YTHDC1: variants seen among roughly 807,000 people sequenced by gnomAD.
The protein encoded by YTHDC1 is YTH domain-containing protein 1.
In YTHDC1, 12 loss-of-function variants were observed where a neutral mutation model predicts 107.0. The ratio of observed to expected loss-of-function variants is 0.11; its 90% CI spans 0.07 to 0.18. The LOEUF (loss-of-function observed/expected upper bound fraction) is 0.18. Among genes scored for constraint, YTHDC1 ranks in the 10% least tolerant of loss-of-function variants. The probability of loss-of-function intolerance (pLI) is 1.00; values close to 1 mark genes in which losing one functional copy is unlikely to be tolerated. For synonymous variants in YTHDC1, 280 were observed against 289.5 expected (o/e 0.97, Z 0.33); for missense variants, 635 against 898.8 (o/e 0.71, Z 3.75).
chr4:68,333,024 A>AT (rs1560490897), intron 5 of YTHDC1, among the ~76,000 whole-genome samples, 177 bp from the exon 6 acceptor site: 2 of 152,074 alleles, frequency 1.3e-5, no homozygotes, highest in South Asian at 2.1e-4. Context: ...GGTTGTTTGG[A>AT]TTTTTTTAAA....
At position 68,322,953 on chromosome 4, in the gene YTHDC1, G is replaced by C. The variant is rs770005669; in HGVS notation, c.1435-38C>G. On this transcript the variant is annotated intron_variant, in intron 10 of 16. Transcript: ENST00000344157. This position sits in a 1 kb window ranked among gnomAD's most constrained non-coding sequence, Gnocchi z 4.8. ...AGTAGCAATTTATAAAACAAAAACA[G>C]ACCCTTTCAACAGACTTGCATTTTC... 1.9e-6 allele frequency: 3 copies of C among 1,598,864 alleles called. No individual in the cohort carries two copies. Among genetic ancestry groups the C allele is most frequent in the East Asian group, 2.2e-5 (1 of 44,664 alleles).
chr4:68,310,598 G>A lies in YTHDC1; in HGVS notation c.*3501C>T, dbSNP rs909511776. 2.0e-5 allele frequency: 3 copies of A among 152,140 alleles called. No homozygotes were observed. Among genetic ancestry groups the A allele is most frequent in the Non-Finnish European group, 2.9e-5 (2 of 68,028 alleles). The allele number at this position is 152,140 out of a possible 1,614,324, so 9.4% of individuals were successfully genotyped here. ...TAAGGATTCCTATTCCTACTATAAGGAACTTGGGGACTAAACTTGAGCCAG... is the reference window on the plus strand; with the variant it reads ...TAAGGATTCCTATTCCTACTATAAGAAACTTGGGGACTAAACTTGAGCCAG... On this transcript the variant is annotated 3_prime_UTR_variant, in exon 17 of 17. Coordinates refer to ENST00000344157, the MANE Select transcript of YTHDC1 (RefSeq NM_001031732.4).
rs1253371737 is a variant in YTHDC1, at chr4:68,332,192, T to G, written c.1033A>C (p.Thr345Pro). 2 of 1,596,976 alleles carry G rather than the reference T, an allele frequency of 1.3e-6. No individual in the cohort carries two copies. The highest frequency in any genetic ancestry group is 3.5e-5 in the Admixed American group (2 of 57,206). Reference sequence around the variant, plus strand: ...TGAAGCACATATTTGAGTTTACTGGTTTGATCTGAAAAAAAAAGAAACCCA... The same window carrying G: ...TGAAGCACATATTTGAGTTTACTGGGTTGATCTGAAAAAAAAAGAAACCCA... ...SSVRAVRKDQ[T>P]SKLKYVLQDA... is the part of the protein sequence containing the mutation. Residue 345 changes from threonine to proline, a missense_variant, in exon 7 of 17, where the codon ACC becomes CCC. Coordinates refer to ENST00000344157, the MANE Select transcript of YTHDC1 (RefSeq NM_001031732.4).
At chr4:68,341,587 G>C (rs1271806419) in intron 1 of YTHDC1, among the ~76,000 whole-genome samples, 1 of 132,950 alleles carries the variant, frequency 7.5e-6, no homozygotes, top group Admixed American at 7.6e-5. Context: ...TTATTAACAA[G>C]AAAAAAAAAA....
At position 68,349,725 on chromosome 4, in the gene YTHDC1, C is replaced by T. The variant is rs1236029932; in HGVS notation, c.28+1G>A. On this transcript the variant is annotated splice_donor_variant, in intron 1 of 16. Coordinates refer to ENST00000344157, the MANE Select transcript of YTHDC1 (RefSeq NM_001031732.4). LOFTEE classifies it high-confidence loss of function. The stretch of plus-strand genomic sequence containing the variant: ...GGCCCGTCATCTTTCTCCGCACTAA[C>T]CTTTCTCCTCCCGACTGTCAGCCGC... 1 of 1,612,682 alleles carries T rather than the reference C, an allele frequency of 6.2e-7. No homozygotes were observed. Among genetic ancestry groups the T allele is most frequent in the Non-Finnish European group, 8.5e-7 (1 of 1,179,650 alleles).
In YTHDC1 at chr4:68,322,877, C is replaced by G. The variant is rs1722584863; in HGVS notation, c.1473G>C (p.Leu491=). 2 of 1,613,822 alleles carry G rather than the reference C, an allele frequency of 1.2e-6. No homozygotes were observed. Residue 491 remains leucine, a synonymous_variant, in exon 11 of 17, where the codon CTG becomes CTC. Transcript: ENST00000344157. The surrounding 1 kb of genome is among the most constrained non-coding windows in gnomAD (Gnocchi z 4.8). ...ELECGTQLCL[L]FPPDESIDLY... is the part of the protein sequence containing the mutation. The stretch of plus-strand genomic sequence containing the variant: ...AGTCAATACTTTCATCGGGGGGAAA[C>G]AGAAGACAAAGCTGGGTTCCACATT...
intron 9 of YTHDC1, among the ~76,000 whole-genome samples, chr4:68,324,495 A>G (rs1381771477): frequency 6.6e-6 from 1 of 152,214 alleles, no homozygotes; most frequent in Non-Finnish European, 1.5e-5. Flanking sequence ...GCCTGAATCT[A>G]TTTCTTTGAT....
chr4:68,334,626 T>C (rs1358696895), intron 4 of YTHDC1, among the ~76,000 whole-genome samples: 2 of 152,204 alleles, frequency 1.3e-5, no homozygotes, highest in Non-Finnish European at 2.9e-5. Context: ...TTCTAATTTT[T>C]CCCCCATGGA....
At chr4:68,326,763 G>C (rs191832838) in intron 9 of YTHDC1, among the ~76,000 whole-genome samples, 7 of 151,512 alleles carry the variant, frequency 4.6e-5, no homozygotes, top group African/African-American at 1.7e-4. Context: ...GCTAATTTTT[G>C]CATTTTTAGT....
intron 4 of YTHDC1, among the ~76,000 whole-genome samples, chr4:68,333,774 A>AT (rs1723853201): frequency 6.6e-6 from 1 of 151,980 alleles, no homozygotes; most frequent in Admixed American, 6.6e-5. Context: ...TTAAGTCCTT[A>AT]TTTTTTTAAA....
rs1027565706 is a variant in YTHDC1, at chr4:68,313,881, T to C, written c.*218A>G. ...CTGTTCCATTCTGCCCCAATAAAAG[T>C]GTCAATTCAACTGTCAGCTGTGGAT... On this transcript the variant is annotated 3_prime_UTR_variant, in exon 17 of 17. Coordinates refer to ENST00000344157, the MANE Select transcript of YTHDC1 (RefSeq NM_001031732.4). 8.4e-6 allele frequency: 5 copies of C among 591,884 alleles called. No homozygotes were observed. The highest frequency in any genetic ancestry group is 1.9e-5 in the African/African-American group (1 of 53,708). 36.7% of individuals were successfully genotyped at this position (591,884 alleles called of 1,614,324 possible).
intron 1 of YTHDC1, among the ~76,000 whole-genome samples, chr4:68,346,348 G>A (rs971351906): frequency 3.3e-5 from 5 of 152,040 alleles, no homozygotes; most frequent in African/African-American, 1.2e-4. Flanking sequence ...AGCCGTGACT[G>A]CTCCACTGCA....
At chr4:68,347,494 T>C (rs949913427) in intron 1 of YTHDC1, among the ~76,000 whole-genome samples, 102 of 152,204 alleles carry the variant, frequency 6.7e-4, no homozygotes, top group African/African-American at 2.4e-3. Flanking sequence ...AGCATTGTTA[T>C]AGATTATAGA....
rs116272490 is a variant in YTHDC1 at position 68,315,475 on chromosome 4, G to A, written c.1959+839C>T. Reference sequence around the variant, plus strand: ...CCATACAGACTCATCAACCTAAGTAGGGAGTGGAAAAAAATTCTAACTTGC... The same window carrying A: ...CCATACAGACTCATCAACCTAAGTAAGGAGTGGAAAAAAATTCTAACTTGC... On this transcript the variant is annotated intron_variant, in intron 16 of 16. Transcript: ENST00000344157. Among the ~76,000 whole-genome samples the A allele has an allele frequency of 3.1e-3, 469 of 152,210 alleles. 2 individuals are homozygous for A. Among genetic ancestry groups the A allele is most frequent in the African/African-American group, 0.011 (444 of 41,522 alleles).
At chr4:68,338,507 CTTTTA>C in intron 1 of YTHDC1, 123 bp from the exon 2 acceptor site, 1 of 629,740 alleles carries the variant, frequency 1.6e-6, no homozygotes, top group East Asian at 3.0e-5. Flanking sequence ...AAAAGCTTTA[CTTTTA>C]TTTCAGAATC....
chr4:68,336,949 T>C, intron 4 of YTHDC1, 78 bp downstream of exon 4: 1 of 1,501,082 alleles, frequency 6.7e-7, no homozygotes, highest in Non-Finnish European at 8.9e-7. Context: ...CCTCAACAAT[T>C]TTATAATTTA....
Position 68,310,941 on chromosome 4 carries a change from T to A in YTHDC1, c.*3158A>T, listed in dbSNP as rs915592355. On this transcript the variant is annotated 3_prime_UTR_variant, in exon 17 of 17. Coordinates refer to ENST00000344157, the MANE Select transcript of YTHDC1 (RefSeq NM_001031732.4). ...AGATGCCACACCTGTGATGGCAAAA[T>A]ACTCTGAAAAGTCAAACATTCAGGT... 9 of 152,178 alleles carry A rather than the reference T, an allele frequency of 5.9e-5. No individual in the cohort carries two copies. Among genetic ancestry groups the A allele is most frequent in the African/African-American group, 2.2e-4 (9 of 41,446 alleles). 9.4% of individuals were successfully genotyped at this position (152,178 alleles called of 1,614,324 possible).
chr4:68,323,133 G>C (rs1317811557), intron 10 of YTHDC1, among the ~76,000 whole-genome samples: 4 of 151,970 alleles, frequency 2.6e-5, no homozygotes, highest in African/African-American at 7.3e-5. Flanking sequence ...AATCTCTGAA[G>C]TTAAATACAC....
At chr4:68,340,645 T>C (rs1283176376) in intron 1 of YTHDC1, among the ~76,000 whole-genome samples, 1 of 152,040 alleles carries the variant, frequency 6.6e-6, no homozygotes, top group Non-Finnish European at 1.5e-5. Flanking sequence ...AGTAAAAAAG[T>C]AGATCCAACA....
Sources: gnomAD v4.1 joint callset for allele counts (sites outside exome capture counted in the v4.1 genomes callset) on GRCh38, gnomAD v4.1.1 for gene constraint, Gnocchi (gnomAD v3.1) non-coding constraint, MANE v1.5 for transcripts, NCBI Gene and HGNC (gene_info 2026-07-23, HGNC 2026-07-21) for gene names.